ZNF578: variants seen among roughly 807,000 people sequenced by gnomAD.
ZNF578 encodes zinc finger protein 578.
Under a neutral mutation model 8.3 loss-of-function variants are expected in ZNF578, and 8 were observed. The observed-to-expected ratio is 0.96, with a 90% CI of 0.56 to 1.74. ZNF578 has a LOEUF of 1.74. ZNF578 is among the 40% of genes most tolerant of loss of function. The pLI is 0.00. For synonymous variants in ZNF578, 206 were observed against 232.2 expected (o/e 0.89, Z 1.03); for missense variants, 726 against 707.5 (o/e 1.03, Z -0.30).
chr19:52,496,403 C>T (rs1393639759), intron 3 of ZNF578, among the ~76,000 whole-genome samples: 1 of 144,336 alleles, frequency 6.9e-6, no homozygotes, highest in Non-Finnish European at 1.5e-5. Flanking sequence ...AATCTCGGCT[C>T]ACTGCAAGCT....
rs1405409944 is a variant in ZNF578, at chr19:52,513,311, C to T, written c.*1157C>T. ...TGATGAGATTACAGGCATATGCCAC[C>T]GCGCCTGGCATTGTTTCTTCTTTTC... On this transcript the variant is annotated 3_prime_UTR_variant, in exon 6 of 6. Transcript: ENST00000421239. Among the ~76,000 whole-genome samples the T allele has an allele frequency of 1.3e-5, 2 of 150,066 alleles. No homozygotes were observed. Among genetic ancestry groups the T allele is most frequent in the African/African-American group, 4.9e-5 (2 of 40,756 alleles).
intron 1 of ZNF578, chr19:52,456,307 C>G (rs956249933): frequency 1.3e-5 from 2 of 152,180 alleles, no homozygotes; most frequent in Non-Finnish European, 2.9e-5. Flanking sequence ...TGGGCTTGCT[C>G]CCTCTGAGTT....
rs1245367481 is a variant in ZNF578 at position 52,511,007 on chromosome 19, G to A, written c.626G>A (p.Gly209Glu). ...GAAACACATACTCCTAATAACTATG[G>A]GAATAATTTTTTCCATTCATCATTA... ...RPETHTPNNY[G>E]NNFFHSSLLT... Residue 209 changes from glycine to glutamate, a missense_variant, in exon 6 of 6, where the codon GGG (glycine) becomes GAG (glutamate). By Grantham distance (98) the Gly-to-Glu change is moderately conservative. Coordinates refer to ENST00000421239, the MANE Select transcript of ZNF578 (RefSeq NM_001099694.2). 1 of 1,614,030 alleles carries A rather than the reference G, an allele frequency of 6.2e-7. No individual in the cohort carries two copies. Among genetic ancestry groups the A allele is most frequent in the Non-Finnish European group, 8.5e-7 (1 of 1,179,992 alleles).
At chr19:52,503,687 T>A (rs781121) in intron 4 of ZNF578, among the ~76,000 whole-genome samples, 1 of 151,990 alleles carries the variant, frequency 6.6e-6, no homozygotes, top group Non-Finnish European at 1.5e-5. Flanking sequence ...GAAAGCCATT[T>A]GACTTTGTCC....
chr19:52,497,246 C>T (rs1324000647), intron 3 of ZNF578, among the ~76,000 whole-genome samples: 1 of 152,212 alleles, frequency 6.6e-6, no homozygotes, highest in Non-Finnish European at 1.5e-5. Flanking sequence ...ATTACAGACG[C>T]CCACCACCCT....
chr19:52,486,121 G>A (rs548193593), intron 2 of ZNF578, among the ~76,000 whole-genome samples: 2 of 152,346 alleles, frequency 1.3e-5, no homozygotes, highest in East Asian at 3.9e-4. Context: ...CCTTAGGGCT[G>A]GAGGTGAGAC....
intron 3 of ZNF578, among the ~76,000 whole-genome samples, chr19:52,498,984 G>A (rs1229251326): frequency 6.6e-6 from 1 of 152,154 alleles, no homozygotes; most frequent in East Asian, 1.9e-4. Flanking sequence ...TTCCTGGCTG[G>A]TCTTGGAATT....
At chr19:52,459,719 G>GTATA (rs140077833) in intron 2 of ZNF578, among the ~76,000 whole-genome samples, 2,979 of 48,628 alleles carry the variant, frequency 0.061, 363 homozygotes, top group African/African-American at 0.12. Flanking sequence ...AGATATGTGT[G>GTATA]TGTGTGTGTG....
rs62112292 is a variant in ZNF578, at chr19:52,473,352, C to T, written c.-122+16394C>T. ...TCAGTATGGATTCTGTGATGATATGCAAGATGTGAAATCTGAGTGAAGACC... is the reference window on the plus strand; with the variant it reads ...TCAGTATGGATTCTGTGATGATATGTAAGATGTGAAATCTGAGTGAAGACC... On this transcript the variant is annotated intron_variant, in intron 2 of 5. Transcript: ENST00000421239. 142 of 174,690 alleles carry T rather than the reference C, an allele frequency of 8.1e-4. 1 individual carries two copies. Among genetic ancestry groups the T allele is most frequent in the Non-Finnish European group, 1.4e-3 (108 of 75,408 alleles). 10.8% of individuals were successfully genotyped at this position (174,690 alleles called of 1,614,324 possible). A position where few individuals can be genotyped will look rare whatever the true frequency, so the allele number is the denominator to read the frequency against.
intron 2 of ZNF578, among the ~76,000 whole-genome samples, chr19:52,462,340 G>A (rs2059261206): frequency 6.6e-6 from 1 of 152,180 alleles, no homozygotes; most frequent in East Asian, 1.9e-4. Context: ...AGGGGGGACT[G>A]ATAACCCATG....
At position 52,485,277 on chromosome 19, in the gene ZNF578, G is replaced by A. The variant is rs186628858; in HGVS notation, c.-121-6047G>A. 6.4e-4 allele frequency among the ~76,000 whole-genome samples: 97 copies of A among 152,314 alleles called. 2 individuals are homozygous for A. Among genetic ancestry groups the A allele is most frequent in the Admixed American group, 5.9e-4 (9 of 15,310 alleles). ...CCCAAGGGGAGGGCGGAGCCAGAAC[G>A]TGGGGCTGTGCTGGGCTCGCCCCCT... On this transcript the variant is annotated intron_variant, in intron 2 of 5. Transcript: ENST00000421239.
At chr19:52,482,312 G>A (rs2059329427) in intron 2 of ZNF578, among the ~76,000 whole-genome samples, 2 of 152,072 alleles carry the variant, frequency 1.3e-5, no homozygotes, top group South Asian at 4.1e-4. Flanking sequence ...GGGATTACAG[G>A]CGTAAGCCAC....
chr19:52,454,975 G>T (rs2059234716), intron 1 of ZNF578: 1 of 152,116 alleles, frequency 6.6e-6, no homozygotes, highest in Non-Finnish European at 1.5e-5. Flanking sequence ...ATTTGTAACA[G>T]GCTCACTTAC....
intron 3 of ZNF578, among the ~76,000 whole-genome samples, chr19:52,496,795 G>A (rs1346601664): frequency 2.6e-5 from 4 of 151,210 alleles, no homozygotes; most frequent in African/African-American, 7.3e-5. Flanking sequence ...GCAGCACCAT[G>A]GCCGGCTAAT....
chr19:52,504,547 A>G lies in ZNF578; in HGVS notation c.64-108A>G. The G allele has an allele frequency of 1.9e-6, 3 of 1,571,148 alleles. No homozygotes were observed. The South Asian group carries it at 3.6e-5, about 19-fold the overall frequency. ...AAATACCTTAACGTGGTTTTGTCAC[A>G]ACACAGTCTTTGATCAAAGAAATAC... is the stretch of plus-strand genomic sequence containing the variant. On this transcript the variant is annotated intron_variant, in intron 4 of 5. Coordinates refer to ENST00000421239, the MANE Select transcript of ZNF578 (RefSeq NM_001099694.2).
chr19:52,454,607 C>G (rs377307296), intron 1 of ZNF578: 1 of 29,186 alleles, frequency 3.4e-5, no homozygotes, highest in African/African-American at 6.0e-5. Flanking sequence ...ACAAAGGTTG[C>G]AGATAGACAG....
At chr19:52,502,701 C>T (rs770399492) in intron 4 of ZNF578, among the ~76,000 whole-genome samples, 1 of 152,136 alleles carries the variant, frequency 6.6e-6, no homozygotes, top group Non-Finnish European at 1.5e-5. Flanking sequence ...TTTGCCACTG[C>T]ACTCCAGCCT....
intron 2 of ZNF578, among the ~76,000 whole-genome samples, chr19:52,477,929 G>A (rs1325568533): frequency 6.6e-6 from 1 of 152,204 alleles, no homozygotes; most frequent in African/African-American, 2.4e-5. Context: ...AAAAAGGATT[G>A]TACTGGGACT....
Position 52,507,310 on chromosome 19 carries a change from C to G in ZNF578, c.190+2529C>G, listed in dbSNP as rs2059428777. ...GGCTGAGATGGGAGAATCACTTGAA[C>G]CTGGGAGGTGGATGGTGCAGTGAGC... On this transcript the variant is annotated intron_variant, in intron 5 of 5. Transcript: ENST00000421239. Among the ~76,000 whole-genome samples, 4 of 152,192 alleles carry G rather than the reference C, an allele frequency of 2.6e-5. No homozygotes were observed. In the South Asian group the frequency reaches 8.3e-4, roughly 32 times the overall value.
Sources: allele counts gnomAD v4.1 joint callset (sites outside exome capture counted in the v4.1 genomes callset), GRCh38; gene constraint gnomAD v4.1.1; transcripts MANE v1.5; gene names NCBI Gene and HGNC (gene_info 2026-07-23, HGNC 2026-07-21).